The following CFAP263 variants were observed in gnomAD, a reference collection of about 807,000 sequenced individuals.
The protein encoded by CFAP263 is cilia and flagella associated protein 263, also known as cilia- and flagella-associated protein 263.
chr16:58,267,378 G>A, the CFAP263 span: 20 of 813,646 alleles, frequency 2.5e-5, no homozygotes, highest in Non-Finnish European at 4.0e-6. Context: ...GGACTTTCTG[G>A]ATGGTCCTGC....
the CFAP263 span, chr16:58,253,932 GCCT>G: frequency 1.1e-5 from 17 of 1,557,460 alleles, no homozygotes; most frequent in South Asian, 1.8e-4. Flanking sequence ...TCATTCTGAT[GCCT>G]ATCTTGGGCT....
At chr16:58,257,399 A>G in the CFAP263 span, among the ~76,000 whole-genome samples, 9 of 152,120 alleles carry the variant, frequency 5.9e-5, no homozygotes, top group South Asian at 8.3e-4. Context: ...CTTTACGTCA[A>G]TACATATTTT....
chr16:58,269,071 C>T, the CFAP263 span, among the ~76,000 whole-genome samples: 1 of 152,104 alleles, frequency 6.6e-6, no homozygotes, highest in African/African-American at 2.4e-5. Flanking sequence ...CAGTGGCTCA[C>T]GCTGTAATCC....
chr16:58,281,893 AG>A, the CFAP263 span: 2 of 152,366 alleles, frequency 1.3e-5, no homozygotes, highest in Non-Finnish European at 2.9e-5. Context: ...CCAAGGCTGG[AG>A]TGCAGTGGTG....
At chr16:58,257,010 A>ATTTT in the CFAP263 span, among the ~76,000 whole-genome samples, 2 of 50,188 alleles carry the variant, frequency 4.0e-5, no homozygotes, top group African/African-American at 9.4e-5. Flanking sequence ...GCATATATGA[A>ATTTT]TTTCTTTTTT....
At chr16:58,274,366 A>G in the CFAP263 span, among the ~76,000 whole-genome samples, 1 of 152,190 alleles carries the variant, frequency 6.6e-6, no homozygotes, top group African/African-American at 2.4e-5. Context: ...TGAGCTCCCC[A>G]TCTCTGTTCC....
the CFAP263 span, chr16:58,254,014 G>A: frequency 1.1e-5 from 18 of 1,614,232 alleles, no homozygotes; most frequent in Non-Finnish European, 1.4e-5. Flanking sequence ...GGCAGGCGTA[G>A]ATCCAAATCC....
the CFAP263 span, among the ~76,000 whole-genome samples, chr16:58,257,557 C>T: frequency 6.6e-6 from 1 of 152,062 alleles, no homozygotes; most frequent in African/African-American, 2.4e-5. Flanking sequence ...CCTCAGCCTC[C>T]TGAGCAGCTG....
At chr16:58,262,338 A>T in the CFAP263 span, 1 of 1,547,130 alleles carries the variant, frequency 6.5e-7, no homozygotes, top group South Asian at 1.2e-5. Context: ...ATACATTCAG[A>T]ATCACAACTG....
At chr16:58,279,961 A>C in the CFAP263 span, 1 of 622,560 alleles carries the variant, frequency 1.6e-6, no homozygotes, top group East Asian at 2.7e-5. Context: ...TGGCCCCTGG[A>C]ACTGTTACCA....
the CFAP263 span, among the ~76,000 whole-genome samples, chr16:58,257,066 G>A: frequency 1.5e-5 from 1 of 65,798 alleles, no homozygotes; most frequent in African/African-American, 5.6e-5. Flanking sequence ...CGCCCAGGCT[G>A]GAGTGCAGTG....
the CFAP263 span, among the ~76,000 whole-genome samples, chr16:58,254,634 T>C: frequency 2.6e-5 from 4 of 151,566 alleles, no homozygotes; most frequent in African/African-American, 7.3e-5. Flanking sequence ...AGGTGGAGTC[T>C]CGCTCTGTTA....
At chr16:58,278,709 T>C in the CFAP263 span, 1 of 1,452,790 alleles carries the variant, frequency 6.9e-7, no homozygotes, top group Non-Finnish European at 9.6e-7. Flanking sequence ...TTTTGTTCTT[T>C]GGGGTAAGAA....
chr16:58,251,803 TTCTC>T, the CFAP263 span, among the ~76,000 whole-genome samples: 109,852 of 152,140 alleles, frequency 0.72, 40,368 homozygotes, highest in African/African-American at 0.86. Flanking sequence ...ATCAAAGCTG[TTCTC>T]TCTCTCATAT....
At chr16:58,254,015 A>G in the CFAP263 span, 1 of 1,614,216 alleles carries the variant, frequency 6.2e-7, no homozygotes, top group Non-Finnish European at 8.5e-7. Context: ...GCAGGCGTAG[A>G]TCCAAATCCC....
the CFAP263 span, among the ~76,000 whole-genome samples, chr16:58,263,211 C>T: frequency 6.6e-6 from 1 of 152,162 alleles, no homozygotes; most frequent in Non-Finnish European, 1.5e-5. Flanking sequence ...GTGTCCCCAC[C>T]CACTGCCCTG....
chr16:58,252,512 T>TTTG, the CFAP263 span, among the ~76,000 whole-genome samples: 58 of 152,262 alleles, frequency 3.8e-4, no homozygotes, highest in Middle Eastern at 6.8e-3. Context: ...ATCAAATATA[T>TTTG]AGCACTTACT....
the CFAP263 span, chr16:58,280,476 G>C: frequency 1.9e-6 from 3 of 1,614,216 alleles, no homozygotes; most frequent in Admixed American, 5.0e-5. Flanking sequence ...GTCCCTGCAA[G>C]TATGATCCAA....
At chr16:58,280,353 G>T in the CFAP263 span, 8 of 1,614,174 alleles carry the variant, frequency 5.0e-6, no homozygotes, top group Non-Finnish European at 6.8e-6. Flanking sequence ...CATAGTATAA[G>T]GGTTGTACAG....
Sources: allele counts gnomAD v4.1 joint callset (sites outside exome capture counted in the v4.1 genomes callset), GRCh38; gene constraint gnomAD v4.1.1; transcripts MANE v1.5; gene names NCBI Gene and HGNC (gene_info 2026-07-23, HGNC 2026-07-21).